Variants in UNC13A observed in about 807,000 individuals in gnomAD.
UNC13A encodes the protein protein unc-13 homolog A.
Under a neutral mutation model 219.7 loss-of-function variants are expected in UNC13A, and 61 were observed. The observed-to-expected ratio is 0.28, with a 90% confidence interval of 0.23 to 0.34. The LOEUF (loss-of-function observed/expected upper bound fraction) is 0.34, where lower values mean the gene tolerates loss of function less well. UNC13A is among the 10% of genes least tolerant of loss of function. The probability of loss-of-function intolerance (pLI) is 1.00; values close to 1 mark genes in which losing one functional copy is unlikely to be tolerated. For missense variants in UNC13A, 1,476 were observed against 2,270.3 expected, an observed-to-expected ratio of 0.65 and a Z score of 7.11; for synonymous variants, 920 against 884.6, an observed-to-expected ratio of 1.04 and a Z score of -0.71.
chr19:17,646,251 G>C, intron 17 of UNC13A, 140 bp from the exon 18 acceptor site: 1 of 1,171,610 alleles, frequency 8.5e-7, no homozygotes, highest in Non-Finnish European at 1.2e-6. Context: ...CGCTGGGCTT[G>C]CCAGAGAGGT....
At chr19:17,619,225 T>G (rs184644409) in intron 38 of UNC13A, among the ~76,000 whole-genome samples, 3 of 152,012 alleles carry the variant, frequency 2.0e-5, no homozygotes, top group Non-Finnish European at 4.4e-5. Flanking sequence ...GGGACCAGAC[T>G]GTGAGGGGCA....
chr19:17,683,565 G>C (rs2080056621), intron 1 of UNC13A, among the ~76,000 whole-genome samples: 1 of 152,004 alleles, frequency 6.6e-6, no homozygotes, highest in Non-Finnish European at 1.5e-5. Flanking sequence ...GGCTGAGGCA[G>C]GAAAATCGCT....
intron 1 of UNC13A, among the ~76,000 whole-genome samples, chr19:17,680,111 T>A (rs2079978122): frequency 7.5e-6 from 1 of 133,372 alleles, no homozygotes; most frequent in Non-Finnish European, 1.6e-5. Context: ...GGAAGGGTGT[T>A]CGCGGTGAGG....
chr19:17,623,412 A>C, intron 36 of UNC13A, 130 bp downstream of exon 36: 1 of 651,876 alleles, frequency 1.5e-6, no homozygotes, highest in South Asian at 1.9e-5. Flanking sequence ...AGGCACATCT[A>C]GGCGGGAGGG....
At position 17,627,475 on chromosome 19, in the gene UNC13A, T is replaced by C. The variant is rs961000839; in HGVS notation, c.3920+34A>G. ...GCTTAGAGGGCTGAAGGCTGTTCCC[T>C]CCCCACTGCCCCCAGCCCTGGAGAT... is the stretch of plus-strand genomic sequence containing the variant. On this transcript the variant is annotated intron_variant, in intron 33 of 43. Transcript: ENST00000519716. The surrounding 1 kb of genome is among the most constrained non-coding windows in gnomAD (Gnocchi z 4.7). 2.6e-6 allele frequency: 4 copies of C among 1,517,622 alleles called. No individual in the cohort carries two copies. The highest frequency in any genetic ancestry group is 3.6e-6 in the Non-Finnish European group (4 of 1,115,856). 94.0% of individuals were successfully genotyped at this position (1,517,622 alleles called of 1,614,324 possible). A position where few individuals can be genotyped will look rare whatever the true frequency, so the allele number is the denominator to read the frequency against.
chr19:17,617,112 G>A (rs1015823241), intron 41 of UNC13A, among the ~76,000 whole-genome samples: 3 of 151,942 alleles, frequency 2.0e-5, no homozygotes, highest in African/African-American at 7.3e-5. Flanking sequence ...ACATCACAGA[G>A]GTCCCTCCTC....
chr19:17,617,018 G>A (rs1323349786), intron 41 of UNC13A, among the ~76,000 whole-genome samples: 1 of 152,120 alleles, frequency 6.6e-6, no homozygotes, highest in African/African-American at 2.4e-5. Context: ...TTTGAGAAAT[G>A]GGAACTCCCT....
In UNC13A at chr19:17,606,126, C is replaced by T. The variant is rs1298760360; in HGVS notation, c.5040G>A (p.Val1680=). 1.3e-6 allele frequency: 2 copies of T among 1,595,506 alleles called. No individual in the cohort carries two copies. The highest frequency in any genetic ancestry group is 1.7e-5 in the Admixed American group (1 of 58,332). Residue 1680 remains valine, a synonymous_variant, in exon 44 of 44, where the codon GTG becomes GTA. Transcript: ENST00000519716. The stretch of plus-strand genomic sequence containing the variant: ...ACTTGAGCTTCACGAACTCCTTGGC[C>T]ACCTCGTCGTTGCTGCGCTGCGAGA... ...RILSQRSNDE[V]AKEFVKLKSD...
Position 17,681,948 on chromosome 19 carries a change from T to C in UNC13A, c.23-5907A>G, listed in dbSNP as rs998996771. ...GTCTCCATTAATAAAAACATCATCA[T>C]TGATTTTTTTTTTTTTTTTTTTTTG... On this transcript the variant is annotated intron_variant, in intron 1 of 43. Transcript: ENST00000519716. Among the ~76,000 whole-genome samples the C allele has an allele frequency of 1.0e-4, 10 of 95,958 alleles. No individual in the cohort carries two copies. In the South Asian group the frequency reaches 3.2e-3, roughly 31 times the overall value. 63.0% of individuals were successfully genotyped at this position (95,958 alleles called of 152,430 possible).
In UNC13A at chr19:17,674,915, T is replaced by C. The variant is rs1568273083; in HGVS notation, c.53-159A>G. Among the ~76,000 whole-genome samples the C allele has an allele frequency of 6.6e-6, 1 of 151,994 alleles. No homozygotes were observed. The highest frequency in any genetic ancestry group is 1.5e-5 in the Non-Finnish European group (1 of 67,994). On this transcript the variant is annotated intron_variant, in intron 2 of 43. Transcript: ENST00000519716. The surrounding 1 kb of genome is among the most constrained non-coding windows in gnomAD (Gnocchi z 5.0). Reference sequence around the variant, plus strand: ...TCAGGGCACAAGGGAGGGGCCTCAGTGTGGGGAGACGTGGAATTTTGGGAT... The same window carrying C: ...TCAGGGCACAAGGGAGGGGCCTCAGCGTGGGGAGACGTGGAATTTTGGGAT...
In UNC13A at chr19:17,656,190, C is replaced by T; in HGVS notation, c.976G>A (p.Glu326Lys). ...RWDQDEEELE[E>K]DLEDFLEEEE... ...TCCTCCAGGAAGTCCTCCAGGTCCT[C>T]CTCCAGCTCTTCCTCATCCTGGTCC... Residue 326 changes from glutamate (E) to lysine (K), a missense_variant, in exon 10 of 44, where the codon GAG (glutamate) becomes AAG (lysine). Physicochemically the swap from Glu to Lys is moderately conservative, Grantham distance 56. Coordinates refer to ENST00000519716, the MANE Select transcript of UNC13A (RefSeq NM_001080421.3). 1.3e-6 allele frequency: 2 copies of T among 1,552,242 alleles called. No homozygotes were observed. The highest frequency in any genetic ancestry group is 1.7e-6 in the Non-Finnish European group (2 of 1,147,118).
In UNC13A at chr19:17,632,700, G is replaced by A; in HGVS notation, c.3428+82C>T. On this transcript the variant is annotated intron_variant, in intron 28 of 43. Coordinates refer to ENST00000519716, the MANE Select transcript of UNC13A (RefSeq NM_001080421.3). Reference sequence around the variant, plus strand: ...CCTGATGCCCAGGTAACCCTAAGTAGGTCAGTCTTCCTCTCTGGCTTTCCT... The same window carrying A: ...CCTGATGCCCAGGTAACCCTAAGTAAGTCAGTCTTCCTCTCTGGCTTTCCT... The A allele has an allele frequency of 2.5e-6, 4 of 1,600,130 alleles. No individual in the cohort carries two copies. The South Asian group carries it at 3.4e-5, about 13-fold the overall frequency.
At chr19:17,623,242 C>T in intron 36 of UNC13A, 1 of 412,540 alleles carries the variant, frequency 2.4e-6, no homozygotes, top group South Asian at 5.0e-5. Flanking sequence ...AGGTTGGATT[C>T]TACCCTTAGA....
chr19:17,646,154 C>T lies in UNC13A; in HGVS notation c.2045-43G>A, dbSNP rs374217449. 3.7e-5 allele frequency: 60 copies of T among 1,607,554 alleles called. 1 individual carries two copies. In the African/African-American group the frequency reaches 4.1e-4, roughly 11 times the overall value. The stretch of plus-strand genomic sequence containing the variant: ...CATACACAGGTGTGCACTCAAGAAG[C>T]GAGGCATGCTGGGGACAGTCACTGC... On this transcript the variant is annotated intron_variant, in intron 17 of 43. Coordinates refer to ENST00000519716, the MANE Select transcript of UNC13A (RefSeq NM_001080421.3).
chr19:17,653,345 T>TATATTTTG (rs397707679), intron 11 of UNC13A, among the ~76,000 whole-genome samples: 3 of 150,526 alleles, frequency 2.0e-5, no homozygotes, highest in East Asian at 1.9e-4. Flanking sequence ...TATATATATA[T>TATATTTTG]TTTGTTTGTT....
At position 17,674,698 on chromosome 19, in the gene UNC13A, C is replaced by T. The variant is rs372647588; in HGVS notation, c.111G>A (p.Ala37=). The part of the protein sequence containing the change: ...KVQNVKSTTI[A]VRGSQPSWEQ... Reference sequence around the variant, plus strand: ...CCCAGCTGGGCTGGCTGCCCCGCACCGCGATGGTCGTGCTCTTGACATTCT... The same window carrying T: ...CCCAGCTGGGCTGGCTGCCCCGCACTGCGATGGTCGTGCTCTTGACATTCT... The change falls in exon 3 of 44, where the codon GCG becomes GCA. Residue 37 remains alanine, a synonymous_variant. Coordinates refer to ENST00000519716, the MANE Select transcript of UNC13A (RefSeq NM_001080421.3). The surrounding 1 kb of genome is among the most constrained non-coding windows in gnomAD (Gnocchi z 5.0). 6.8e-6 allele frequency: 11 copies of T among 1,613,810 alleles called. No individual in the cohort carries two copies. The highest frequency in any genetic ancestry group is 3.3e-5 in the Admixed American group (2 of 59,994).
intron 1 of UNC13A, among the ~76,000 whole-genome samples, chr19:17,685,149 C>T (rs1327745319): frequency 1.3e-5 from 2 of 152,038 alleles, no homozygotes; most frequent in African/African-American, 2.4e-5. Flanking sequence ...GGTTGGGGAC[C>T]TTAACAGATA....
chr19:17,606,545 A>C (rs1483112042), intron 43 of UNC13A, among the ~76,000 whole-genome samples, 191 bp from the exon 44 acceptor site: 1 of 151,440 alleles, frequency 6.6e-6, no homozygotes, highest in East Asian at 1.9e-4. Flanking sequence ...CGCCCACAGC[A>C]GCTGACCCCG....
At chr19:17,665,485 A>G (rs17710624) in intron 7 of UNC13A, among the ~76,000 whole-genome samples, 45,197 of 152,094 alleles carry the variant, frequency 0.3, 7,924 homozygotes, top group South Asian at 0.48. Context: ...GAGGAACGTG[A>G]TCATCATCAT....
Sources: gnomAD v4.1 joint callset for allele counts (sites outside exome capture counted in the v4.1 genomes callset) on GRCh38, gnomAD v4.1.1 for gene constraint, Gnocchi (gnomAD v3.1) non-coding constraint, MANE v1.5 for transcripts, NCBI Gene and HGNC (gene_info 2026-07-23, HGNC 2026-07-21) for gene names.